The following NETO2 variants were observed in gnomAD, a reference collection of about 807,000 sequenced individuals.
The protein encoded by NETO2 is neuropilin and tolloid-like protein 2.
In NETO2, 28 loss-of-function variants were observed where a neutral mutation model predicts 62.5. The ratio of observed to expected loss-of-function variants is 0.45; its 90% CI spans 0.33 to 0.61. NETO2 has a LOEUF of 0.61. Among genes scored for constraint, NETO2 ranks in the 20% least tolerant of loss-of-function variants. NETO2 has a pLI of 0.02. For synonymous variants in NETO2, 214 were observed against 219.1 expected, an observed-to-expected ratio of 0.98 and a Z score of 0.21; for missense variants, 548 against 643.2, an observed-to-expected ratio of 0.85 and a Z score of 1.60.
chr16:47,083,853 TCC>T, intron 8 of NETO2, 52 bp from the exon 9 acceptor site: 1 of 1,345,602 alleles, frequency 7.4e-7, no homozygotes, highest in Non-Finnish European at 1.0e-6. Flanking sequence ...TTAATATGAA[TCC>T]TGGTACAAAT....
intron 7 of NETO2, among the ~76,000 whole-genome samples, chr16:47,095,535 A>G (rs1174590295): frequency 2.0e-5 from 3 of 152,142 alleles, no homozygotes; most frequent in Non-Finnish European, 2.9e-5. Context: ...AAAGACAGCT[A>G]GGGGGTGGCA....
chr16:47,138,086 G>A (rs991171638), intron 1 of NETO2, among the ~76,000 whole-genome samples: 1 of 152,124 alleles, frequency 6.6e-6, no homozygotes, highest in Non-Finnish European at 1.5e-5. Flanking sequence ...CTTGATAAAG[G>A]GCATTCTCTC....
intron 7 of NETO2, among the ~76,000 whole-genome samples, chr16:47,096,025 C>G (rs1963421112): frequency 6.6e-6 from 1 of 152,092 alleles, no homozygotes; most frequent in Non-Finnish European, 1.5e-5. Context: ...ATTCACAAGT[C>G]TGTGTAAATT....
intron 2 of NETO2, among the ~76,000 whole-genome samples, chr16:47,130,906 T>C (rs1272981529): frequency 6.6e-6 from 1 of 152,036 alleles, no homozygotes; most frequent in Non-Finnish European, 1.5e-5. Flanking sequence ...TTCTAACTCC[T>C]GGTTTAGAGG....
rs567492759 is a variant in NETO2 at position 47,084,584 on chromosome 16, T to C, written c.998-783A>G. 3.4e-3 allele frequency among the ~76,000 whole-genome samples: 520 copies of C among 152,296 alleles called. 4 individuals carry two copies. Among genetic ancestry groups the C allele is most frequent in the African/African-American group, 0.012 (501 of 41,552 alleles). On this transcript the variant is annotated intron_variant, in intron 8 of 8. Transcript: ENST00000562435. ...ATTATTATTAGTGTGCTTACTTCTG[T>C]TAGGAAATAAACTCCTGGCTTGGAG...
chr16:47,107,556 T>C (rs1963701044), intron 7 of NETO2, among the ~76,000 whole-genome samples: 1 of 152,260 alleles, frequency 6.6e-6, no homozygotes, highest in Non-Finnish European at 1.5e-5. Flanking sequence ...GGTTTCTCGC[T>C]GTTTAAGATG....
intron 7 of NETO2, among the ~76,000 whole-genome samples, chr16:47,101,898 C>T (rs1963554929): frequency 6.6e-6 from 1 of 152,172 alleles, no homozygotes; most frequent in Non-Finnish European, 1.5e-5. Context: ...CATCAAGCTA[C>T]CATTTGACTT....
chr16:47,105,459 C>T lies in NETO2; in HGVS notation c.883+4024G>A, dbSNP rs867666779. Among the ~76,000 whole-genome samples the T allele has an allele frequency of 6.6e-5, 10 of 151,938 alleles. 1 individual carries two copies. The South Asian group carries it at 1.7e-3, about 25-fold the overall frequency. ...GACAATGATTTCTTGGATATCACACCAAAAACAACAACAAAAAAAACCCAC... is the reference window on the plus strand; with the variant it reads ...GACAATGATTTCTTGGATATCACACTAAAAACAACAACAAAAAAAACCCAC... On this transcript the variant is annotated intron_variant, in intron 7 of 8. Coordinates refer to ENST00000562435, the MANE Select transcript of NETO2 (RefSeq NM_018092.5).
At chr16:47,089,648 A>C (rs777193521) in intron 7 of NETO2, among the ~76,000 whole-genome samples, 13 of 152,244 alleles carry the variant, frequency 8.5e-5, no homozygotes, top group Non-Finnish European at 1.9e-4. Context: ...CGGAAAGACA[A>C]CAGGTATCAG....
In NETO2 at chr16:47,083,655, T is replaced by C. The variant is rs1963120959; in HGVS notation, c.1144A>G (p.Thr382Ala). ...QPRKKVMACK[T>A]AFNKTGFQEV... ...TGGAACCCGGTTTTATTAAAAGCGG[T>C]TTTGCAAGCCATGACCTTTTTTCGA... Residue 382 changes from threonine (T) to alanine (A), a missense_variant, in exon 9 of 9, where the codon ACC (threonine) becomes GCC (alanine). By Grantham distance (58) the Thr-to-Ala change is moderately conservative. Coordinates refer to ENST00000562435, the MANE Select transcript of NETO2 (RefSeq NM_018092.5). The C allele has an allele frequency of 6.2e-7, 1 of 1,613,934 alleles. No homozygotes were observed.
At chr16:47,117,533 ATTAC>A (rs1296383745) in intron 6 of NETO2, among the ~76,000 whole-genome samples, 1 of 152,138 alleles carries the variant, frequency 6.6e-6, no homozygotes, top group Non-Finnish European at 1.5e-5. Context: ...ACAGTTTTCA[ATTAC>A]TTTGTTTTCA....
At chr16:47,086,165 T>C in intron 8 of NETO2, 61 bp downstream of exon 8, 1 of 932,094 alleles carries the variant, frequency 1.1e-6, no homozygotes, top group East Asian at 2.4e-5. Context: ...CATTTTAAGT[T>C]CTTAATGAAG....
At chr16:47,120,090 T>C (rs1596733609) in intron 6 of NETO2, among the ~76,000 whole-genome samples, 1 of 152,286 alleles carries the variant, frequency 6.6e-6, no homozygotes, top group African/African-American at 2.4e-5. Context: ...AACTATGTTA[T>C]GGATCTGTCA....
chr16:47,133,363 C>G (rs1383364198), intron 1 of NETO2, among the ~76,000 whole-genome samples: 2 of 151,334 alleles, frequency 1.3e-5, no homozygotes, highest in African/African-American at 4.9e-5. Context: ...ATTGCTTGAG[C>G]CCAGGAGTTC....
At chr16:47,127,949 C>T (rs991633081) in intron 4 of NETO2, among the ~76,000 whole-genome samples, 13 of 152,100 alleles carry the variant, frequency 8.5e-5, no homozygotes, top group Non-Finnish European at 2.9e-5. Context: ...ATTCTAACAG[C>T]TAAATGAGAA....
chr16:47,094,894 TG>T (rs1234010556), intron 7 of NETO2, among the ~76,000 whole-genome samples: 1 of 152,106 alleles, frequency 6.6e-6, no homozygotes, highest in African/African-American at 2.4e-5. Context: ...TTAGTAGAGA[TG>T]GGGTTTCACC....
intron 6 of NETO2, among the ~76,000 whole-genome samples, chr16:47,112,927 TATG>T (rs1273701842): frequency 3.0e-4 from 46 of 152,312 alleles, no homozygotes; most frequent in Non-Finnish European, 4.3e-4. Context: ...TCTATAAAAA[TATG>T]TTGTATTGTT....
Position 47,129,236 on chromosome 16 carries a change from A to G in NETO2, c.220T>C (p.Tyr74His), listed in dbSNP as rs1337110760. 1 of 1,613,908 alleles carries G rather than the reference A, an allele frequency of 6.2e-7. No homozygotes were observed. The highest frequency in any genetic ancestry group is 8.5e-7 in the Non-Finnish European group (1 of 1,179,922). Residue 74 changes from tyrosine to histidine, a missense_variant, in exon 3 of 9, where the codon TAC becomes CAC. Transcript: ENST00000562435. ...DSYPPNKECI[Y>H]ILEAAPRQRI... ...ATCGTTCAAATACCTTCCAAAATGT[A>G]GATACACTCCTTGTTTGGTGGATAT...
At chr16:47,142,718 G>A (rs1964484985) in intron 1 of NETO2, among the ~76,000 whole-genome samples, 3 of 152,188 alleles carry the variant, frequency 2.0e-5, no homozygotes, top group African/African-American at 7.2e-5. Context: ...CCGAGTTTCA[G>A]GAGCAACTTT....
Sources: gnomAD v4.1 joint callset for allele counts (sites outside exome capture counted in the v4.1 genomes callset) on GRCh38, gnomAD v4.1.1 for gene constraint, MANE v1.5 for transcripts, NCBI Gene and HGNC (gene_info 2026-07-23, HGNC 2026-07-21) for gene names.